FSTL4: variants seen among roughly 807,000 people sequenced by gnomAD.
FSTL4 encodes the protein follistatin-related protein 4.
FSTL4 carries 28 observed loss-of-function variants against 78.2 expected under a neutral mutation model. That is an observed-to-expected ratio of 0.36 (90% confidence interval 0.27 to 0.49). The LOEUF is 0.49. Among genes scored for constraint, FSTL4 ranks in the 20% least tolerant of loss-of-function variants. FSTL4 has a pLI of 0.98. For synonymous variants in FSTL4, 422 were observed against 440.5 expected, an observed-to-expected ratio of 0.96 and a Z score of 0.53; for missense variants, 922 against 1,084.9, an observed-to-expected ratio of 0.85 and a Z score of 2.11.
chr5:133,326,284 A>T (rs970978395), intron 4 of FSTL4, among the ~76,000 whole-genome samples: 2 of 152,218 alleles, frequency 1.3e-5, no homozygotes, highest in African/African-American at 4.8e-5. Context: ...ATGTCGTTTC[A>T]CTGACAGTGT....
the FSTL4 span, among the ~76,000 whole-genome samples, chr5:133,658,778 G>A: frequency 6.6e-6 from 1 of 152,090 alleles, no homozygotes; most frequent in Non-Finnish European, 1.5e-5. Context: ...AAATTTACCT[G>A]AGTGCTGCTT....
intron 3 of FSTL4, among the ~76,000 whole-genome samples, chr5:133,428,340 C>T (rs1756870190): frequency 2.0e-5 from 3 of 152,156 alleles, no homozygotes; most frequent in Admixed American, 2.0e-4. Context: ...TCTGGCTTGC[C>T]CTAGCTGCCC....
At chr5:133,495,637 A>G (rs1473540542) in intron 3 of FSTL4, among the ~76,000 whole-genome samples, 1 of 152,214 alleles carries the variant, frequency 6.6e-6, no homozygotes, top group East Asian at 1.9e-4. Context: ...GTGAACAGCA[A>G]TGATGAGCCC....
the FSTL4 span, among the ~76,000 whole-genome samples, chr5:133,619,737 T>C: frequency 6.6e-6 from 1 of 152,234 alleles, no homozygotes; most frequent in African/African-American, 2.4e-5. Flanking sequence ...CAGGATGCTT[T>C]AAAGCTGACA....
the FSTL4 span, among the ~76,000 whole-genome samples, chr5:133,709,381 T>C: frequency 1.0e-3 from 159 of 152,384 alleles, 1 homozygote; most frequent in Admixed American, 1.8e-3. Context: ...TTGACTTCTA[T>C]AATACTTGAG....
the FSTL4 span, among the ~76,000 whole-genome samples, chr5:133,785,908 CAG>C: frequency 2.0e-5 from 3 of 152,328 alleles, no homozygotes; most frequent in Admixed American, 6.5e-5. Flanking sequence ...TGGCAGATGC[CAG>C]CCCATTGTCA....
chr5:133,489,865 C>CT (rs950485143), intron 3 of FSTL4, among the ~76,000 whole-genome samples: 2 of 152,202 alleles, frequency 1.3e-5, no homozygotes, highest in Non-Finnish European at 2.9e-5. Context: ...AGGCTTACCT[C>CT]TAGCCCTGAA....
chr5:133,551,937 T>G (rs762253521), intron 3 of FSTL4, among the ~76,000 whole-genome samples: 1 of 152,216 alleles, frequency 6.6e-6, no homozygotes, highest in African/African-American at 2.4e-5. Context: ...AGCTTGAACC[T>G]TGCTTGTAAA....
At chr5:133,268,830 C>T (rs532739695) in intron 6 of FSTL4, among the ~76,000 whole-genome samples, 2 of 152,230 alleles carry the variant, frequency 1.3e-5, no homozygotes, top group East Asian at 1.9e-4. Flanking sequence ...CTAAGAACAA[C>T]CTGAATATCC....
chr5:133,483,716 A>T (rs879933434), intron 3 of FSTL4, among the ~76,000 whole-genome samples: 4 of 152,116 alleles, frequency 2.6e-5, no homozygotes, highest in Non-Finnish European at 5.9e-5. Flanking sequence ...GTAGTGGGAG[A>T]CATCAGTAGG....
intron 3 of FSTL4, among the ~76,000 whole-genome samples, chr5:133,408,622 C>T (rs1012917466): frequency 1.6e-4 from 25 of 152,132 alleles, no homozygotes; most frequent in African/African-American, 5.1e-4. Context: ...GAACTTCCTA[C>T]GGTACTTGTG....
intron 3 of FSTL4, chr5:133,427,631 G>T (rs959035935): frequency 1.9e-6 from 1 of 529,642 alleles, no homozygotes; most frequent in South Asian, 1.4e-5. Flanking sequence ...CAGATTCCTG[G>T]ACTCCACACC....
chr5:133,269,074 C>G (rs1235873364), intron 6 of FSTL4, among the ~76,000 whole-genome samples: 1 of 149,222 alleles, frequency 6.7e-6, no homozygotes. Flanking sequence ...CCCAGCTACT[C>G]GGGAGGCTGA....
At chr5:133,630,271 C>T in the FSTL4 span, among the ~76,000 whole-genome samples, 1 of 152,268 alleles carries the variant, frequency 6.6e-6, no homozygotes, top group African/African-American at 2.4e-5. Flanking sequence ...CCAAAATCTC[C>T]TTAAGCTGAT....
At chr5:133,656,188 G>A in the FSTL4 span, among the ~76,000 whole-genome samples, 3 of 152,148 alleles carry the variant, frequency 2.0e-5, no homozygotes, top group South Asian at 6.2e-4. Context: ...AGTGAGACAG[G>A]GAAGAGAAAG....
chr5:133,486,456 T>C (rs1046667442), intron 3 of FSTL4, among the ~76,000 whole-genome samples: 2 of 152,048 alleles, frequency 1.3e-5, no homozygotes, highest in Admixed American at 6.6e-5. Flanking sequence ...GGGACATAAT[T>C]GCAGCAGGCG....
intron 6 of FSTL4, among the ~76,000 whole-genome samples, chr5:133,294,146 C>T (rs747911026): frequency 2.6e-5 from 4 of 152,120 alleles, no homozygotes; most frequent in South Asian, 2.1e-4. Flanking sequence ...GTTTCCATGG[C>T]GTTCTTTTGG....
chr5:133,336,799 C>T (rs1431546883), intron 4 of FSTL4, among the ~76,000 whole-genome samples: 1 of 152,162 alleles, frequency 6.6e-6, no homozygotes, highest in African/African-American at 2.4e-5. Flanking sequence ...TCTGATTCCC[C>T]AGCCTGTGCT....
intron 3 of FSTL4, among the ~76,000 whole-genome samples, chr5:133,486,195 G>C (rs1032468847): frequency 1.3e-5 from 2 of 152,044 alleles, no homozygotes; most frequent in Non-Finnish European, 2.9e-5. Context: ...TCGGGAGCAA[G>C]AGACTGACAC....
Sources: gnomAD v4.1 joint callset for allele counts (sites outside exome capture counted in the v4.1 genomes callset) on GRCh38, gnomAD v4.1.1 for gene constraint, MANE v1.5 for transcripts, NCBI Gene and HGNC (gene_info 2026-07-23, HGNC 2026-07-21) for gene names.